Variants in ZC3H18 observed in about 807,000 individuals in gnomAD.
ZC3H18 encodes the protein zinc finger CCCH-type containing 18, also known as zinc finger CCCH domain-containing protein 18.
In ZC3H18, 8 loss-of-function variants were observed where a neutral mutation model predicts 106.1. The observed-to-expected ratio is 0.08, with a 90% CI of 0.04 to 0.14. The LOEUF (loss-of-function observed/expected upper bound fraction) is 0.14. Among genes scored for constraint, ZC3H18 ranks in the 10% least tolerant of loss-of-function variants. The pLI, the probability that ZC3H18 is intolerant of heterozygous loss-of-function variation, is 1.00. For missense variants in ZC3H18, 1,318 were observed against 1,278.4 expected, an observed-to-expected ratio of 1.03 and a Z score of -0.47; for synonymous variants, 635 against 522.1, an observed-to-expected ratio of 1.22 and a Z score of -2.95.
In ZC3H18 at chr16:88,577,392, G is replaced by A. The variant is rs115806265; in HGVS notation, c.269G>A (p.Arg90Gln). Reference sequence around the variant, plus strand: ...GACTCAGAGGTGAATGAGCTGAGCCGGGGCCCGACCAGCTCCCCCTGCGAG... The same window carrying A: ...GACTCAGAGGTGAATGAGCTGAGCCAGGGCCCGACCAGCTCCCCCTGCGAG... ...DQDSEVNELS[R>Q]GPTSSPCEEE... The change falls in exon 2 of 18, where the codon CGG becomes CAG. Residue 90 changes from arginine to glutamine, a missense_variant. By Grantham distance (43) the Arg-to-Gln change is conservative. Coordinates refer to ENST00000301011, the MANE Select transcript of ZC3H18 (RefSeq NM_144604.4). The A allele has an allele frequency of 6.9e-5, 110 of 1,597,248 alleles. No homozygotes were observed. Among genetic ancestry groups the A allele is most frequent in the African/African-American group, 5.8e-4 (43 of 74,660 alleles).
At chr16:88,590,639 T>C (rs1722883328) in intron 3 of ZC3H18, among the ~76,000 whole-genome samples, 2 of 143,384 alleles carry the variant, frequency 1.4e-5, no homozygotes, top group South Asian at 4.5e-4. Context: ...CTCGGCTCGT[T>C]GGAACCTCCA....
chr16:88,620,265 A>G (rs1001266120), intron 8 of ZC3H18, among the ~76,000 whole-genome samples: 2 of 152,280 alleles, frequency 1.3e-5, no homozygotes, highest in Admixed American at 6.5e-5. Flanking sequence ...TCCCACTCAC[A>G]GTAACACAGG....
intron 2 of ZC3H18, among the ~76,000 whole-genome samples, chr16:88,580,390 G>A (rs1435018677): frequency 3.3e-5 from 5 of 152,190 alleles, no homozygotes; most frequent in Non-Finnish European, 7.4e-5. Flanking sequence ...AATGTGAAGT[G>A]GCAGTGAGTG....
At chr16:88,621,688 A>G (rs1184292690) in intron 8 of ZC3H18, among the ~76,000 whole-genome samples, 1 of 151,828 alleles carries the variant, frequency 6.6e-6, no homozygotes, top group Non-Finnish European at 1.5e-5. Context: ...GACAGGTTTC[A>G]CCATATTGGC....
At chr16:88,599,707 G>A (rs989364839) in intron 5 of ZC3H18, 84 bp from the exon 6 acceptor site, 5 of 1,489,186 alleles carry the variant, frequency 3.4e-6, no homozygotes, top group Middle Eastern at 1.8e-4. Flanking sequence ...TGCTGCGGTC[G>A]GGTGGGACGG....
At chr16:88,597,685 T>C (rs771175191) in intron 3 of ZC3H18, among the ~76,000 whole-genome samples, 3 of 152,088 alleles carry the variant, frequency 2.0e-5, no homozygotes, top group Non-Finnish European at 2.9e-5. Flanking sequence ...CCTGTGAGAG[T>C]TTTCTCTGTG....
At chr16:88,578,193 T>C (rs919708377) in intron 2 of ZC3H18, among the ~76,000 whole-genome samples, 2 of 152,216 alleles carry the variant, frequency 1.3e-5, no homozygotes, top group Non-Finnish European at 2.9e-5. Flanking sequence ...GGCATTTTTA[T>C]GCTGGTCCTA....
At chr16:88,623,384 A>G in intron 10 of ZC3H18, 40 bp downstream of exon 10, 1 of 1,605,578 alleles carries the variant, frequency 6.2e-7, no homozygotes, top group Non-Finnish European at 8.5e-7. Flanking sequence ...CAGCAGGTGC[A>G]GTGAGCAAGG....
intron 3 of ZC3H18, among the ~76,000 whole-genome samples, chr16:88,590,924 TCTC>T (rs1250143972): frequency 1.3e-5 from 2 of 151,078 alleles, no homozygotes; most frequent in African/African-American, 4.9e-5. Flanking sequence ...TTGGGTCTGA[TCTC>T]CTTGGCTGTG....
intron 8 of ZC3H18, among the ~76,000 whole-genome samples, chr16:88,614,380 T>C (rs1905451874): frequency 6.6e-6 from 1 of 152,256 alleles, no homozygotes; most frequent in Admixed American, 6.5e-5. Context: ...TCCGTGTGGC[T>C]GGACGACACC....
Position 88,611,379 on chromosome 16 carries a change from C to A in ZC3H18, c.1318C>A (p.Arg440Ser). The A allele has an allele frequency of 9.4e-7, 1 of 1,069,502 alleles. No homozygotes were observed. The highest frequency in any genetic ancestry group is 1.4e-6 in the Non-Finnish European group (1 of 707,222). 66.3% of individuals were successfully genotyped at this position (1,069,502 alleles called of 1,614,324 possible). ...RQRERERERE[R>S]ERDKERQRRK... ...GAGGGAGCGCGAGCGAGAGCGGGAG[C>A]GCGAGCGCGACAAGGAGCGGCAGCG... Residue 440 changes from arginine to serine, a missense_variant, in exon 8 of 18, where the codon CGC (arginine) becomes AGC (serine). By Grantham distance (110) the Arg-to-Ser change is moderately radical. Coordinates refer to ENST00000301011, the MANE Select transcript of ZC3H18 (RefSeq NM_144604.4).
rs1906393479 is a variant in ZC3H18 at position 88,627,626 on chromosome 16, CTGAGCG to C, written c.2119_2124del (p.Val707_Ser708del). ...GAGATGTGCTTGTGTGTCCAGGTCC[CTGAGCG>C]TGAGCAGCGTCTCCTCAGTGTCCAG... On this transcript the variant is annotated inframe_deletion, in exon 14 of 18. Coordinates refer to ENST00000301011, the MANE Select transcript of ZC3H18 (RefSeq NM_144604.4). The surrounding 1 kb of genome is among the most constrained non-coding windows in gnomAD (Gnocchi z 4.5). 1.2e-6 allele frequency: 2 copies of C among 1,602,886 alleles called. No individual in the cohort carries two copies. Among genetic ancestry groups the C allele is most frequent in the Non-Finnish European group, 1.7e-6 (2 of 1,171,402 alleles).
intron 8 of ZC3H18, among the ~76,000 whole-genome samples, chr16:88,621,883 CT>C (rs1905987431): frequency 1.3e-5 from 2 of 152,308 alleles, no homozygotes; most frequent in South Asian, 4.1e-4. Flanking sequence ...CCTCCTAGAG[CT>C]GACAGCGTAG....
chr16:88,594,269 A>G (rs1055976848), intron 3 of ZC3H18, among the ~76,000 whole-genome samples: 1 of 152,180 alleles, frequency 6.6e-6, no homozygotes. Flanking sequence ...ATTTGTTACT[A>G]TATATTGGAT....
intron 6 of ZC3H18, among the ~76,000 whole-genome samples, chr16:88,607,702 G>A (rs144608926): frequency 1.3e-4 from 19 of 149,794 alleles, no homozygotes; most frequent in African/African-American, 3.2e-4. Context: ...TCTCTCAGGC[G>A]TCTCCCCATT....
Position 88,627,409 on chromosome 16 carries a change from T to G in ZC3H18, c.2109-213T>G. On this transcript the variant is annotated intron_variant, in intron 13 of 17. Transcript: ENST00000301011. This position sits in a 1 kb window ranked among gnomAD's most constrained non-coding sequence, Gnocchi z 4.5. ...TGAGCAGCCGTGCCTGGCTGCAACC[T>G]GACATTGATTAGTGAAATGGGGCCC... is the stretch of plus-strand genomic sequence containing the variant. The G allele has an allele frequency of 1.8e-6, 1 of 543,160 alleles. No individual in the cohort carries two copies. The highest frequency in any genetic ancestry group is 3.1e-6 in the Non-Finnish European group (1 of 319,526). The allele number at this position is 543,160 out of a possible 1,614,324, so 33.6% of individuals were successfully genotyped here.
intron 3 of ZC3H18, among the ~76,000 whole-genome samples, chr16:88,587,982 C>T (rs909570950): frequency 3.9e-5 from 6 of 152,172 alleles, no homozygotes; most frequent in African/African-American, 4.8e-5. Flanking sequence ...AAACAGTTGA[C>T]GTGCCCAAGT....
intron 1 of ZC3H18, among the ~76,000 whole-genome samples, chr16:88,572,069 C>T (rs751406705): frequency 1.4e-4 from 22 of 152,180 alleles, no homozygotes; most frequent in Non-Finnish European, 3.2e-4. Flanking sequence ...AGTTTACTTA[C>T]GTGGTTGGTA....
At chr16:88,623,720 C>A in intron 10 of ZC3H18, 2 of 651,514 alleles carry the variant, frequency 3.1e-6, no homozygotes, top group Non-Finnish European at 4.9e-6. Context: ...CACACATGAA[C>A]GTGACACTCG....
Sources: allele counts gnomAD v4.1 joint callset (sites outside exome capture counted in the v4.1 genomes callset), GRCh38; gene constraint gnomAD v4.1.1; non-coding constraint Gnocchi (gnomAD v3.1); transcripts MANE v1.5; gene names NCBI Gene and HGNC (gene_info 2026-07-23, HGNC 2026-07-21).